The following TRPV2 variants were observed in gnomAD, a reference collection of about 807,000 sequenced individuals.
TRPV2 encodes the protein transient receptor potential cation channel subfamily V member 2.
A neutral mutation model predicts 91.0 loss-of-function variants in TRPV2; 58 were observed. The observed-to-expected ratio is 0.64, with a 90% CI of 0.52 to 0.79. The LOEUF (loss-of-function observed/expected upper bound fraction) is 0.79, where lower values mean the gene tolerates loss of function less well. TRPV2 is among the 30% of genes least tolerant of loss of function. TRPV2 has a pLI of 0.00. For missense variants in TRPV2, 807 were observed against 969.6 expected (o/e 0.83, Z 2.23); for synonymous variants, 417 against 414.8 (o/e 1.01, Z -0.06).
rs940327022 is a variant in TRPV2, at chr17:16,426,488, G to A, written c.1095+219G>A. Among the ~76,000 whole-genome samples the A allele has an allele frequency of 2.0e-5, 3 of 152,172 alleles. No individual in the cohort carries two copies. Among genetic ancestry groups the A allele is most frequent in the Non-Finnish European group, 2.9e-5 (2 of 68,032 alleles). On this transcript the variant is annotated intron_variant, in intron 6 of 14. Coordinates refer to ENST00000338560, the MANE Select transcript of TRPV2 (RefSeq NM_016113.5). The surrounding 1 kb of genome is among the most constrained non-coding windows in gnomAD (Gnocchi z 6.0). ...AGACGGGGATCATGCCAAGGGCCTC[G>A]TGGCAACCATCCGGGTCCTCTCTGT... is the stretch of plus-strand genomic sequence containing the variant.
At chr17:16,420,494 T>C (rs756547891) in intron 3 of TRPV2, among the ~76,000 whole-genome samples, 1 of 152,184 alleles carries the variant, frequency 6.6e-6, no homozygotes, top group Non-Finnish European at 1.5e-5. Flanking sequence ...CCCTAGCCCA[T>C]TGCAGTGGCT....
At chr17:16,421,365 A>T (rs189766122) in intron 3 of TRPV2, among the ~76,000 whole-genome samples, 131 of 148,740 alleles carry the variant, frequency 8.8e-4, no homozygotes, top group East Asian at 7.8e-3. Context: ...TACAGGCACC[A>T]GCCACCACAC....
rs766540731 is a variant in TRPV2 at position 16,431,963 on chromosome 17, T to C, written c.1655-3T>C. On this transcript the variant is annotated splice_region_variant and splice_polypyrimidine_tract_variant and intron_variant, in intron 11 of 14. Transcript: ENST00000338560. ...TAAGGACCCCTCTCCCTTCATCCCATAGCCCTGGTGAGCCTGAGCCAGGAG... is the reference window on the plus strand; with the variant it reads ...TAAGGACCCCTCTCCCTTCATCCCACAGCCCTGGTGAGCCTGAGCCAGGAG... The C allele has an allele frequency of 6.2e-7, 1 of 1,607,354 alleles. No individual in the cohort carries two copies.
chr17:16,436,709 C>T, intron 14 of TRPV2, 80 bp from the exon 15 acceptor site: 3 of 1,000,818 alleles, frequency 3.0e-6, no homozygotes, highest in Non-Finnish European at 4.8e-6. Context: ...GTTTTCATGA[C>T]TGTGGCCCCG....
In TRPV2 at chr17:16,430,611, G is replaced by A. The variant is rs553166628; in HGVS notation, c.1588-1173G>A. Among the ~76,000 whole-genome samples, 5 of 151,246 alleles carry A rather than the reference G, an allele frequency of 3.3e-5. No individual in the cohort carries two copies. In the South Asian group the frequency reaches 6.3e-4, roughly 19 times the overall value. On this transcript the variant is annotated intron_variant, in intron 10 of 14. Transcript: ENST00000338560. ...AGCGATTCTCCTGCCTCAGCCTCCC[G>A]AGTAGCTGGGACTACAGGCATGTGT...
At chr17:16,431,277 A>ATATATATATATATG (rs1555883010) in intron 10 of TRPV2, among the ~76,000 whole-genome samples, 1 of 75,748 alleles carries the variant, frequency 1.3e-5, no homozygotes, top group African/African-American at 5.9e-5. Context: ...ATATATATAT[A>ATATATATATATATG]TATATATATA....
At chr17:16,428,517 GCCAGTC>G in intron 9 of TRPV2, 130 bp downstream of exon 9, 1 of 1,007,294 alleles carries the variant, frequency 9.9e-7, no homozygotes, top group African/African-American at 1.6e-5. Context: ...CTGTGTACAG[GCCAGTC>G]CCAGGAGTCT....
chr17:16,426,190 C>T lies in TRPV2; in HGVS notation c.1016C>T (p.Ser339Leu), dbSNP rs369013768. The T allele has an allele frequency of 1.7e-5, 28 of 1,614,078 alleles. No individual in the cohort carries two copies. Among genetic ancestry groups the T allele is most frequent in the South Asian group, 2.2e-5 (2 of 91,078 alleles). ...TGGTGCTATGGGCCTGTCCGGGTGT[C>T]GCTGTATGACCTGGCTTCTGTGGAC... Reference protein sequence around the residue: ...TEWCYGPVRVSLYDLASVDSC... With the variant: ...TEWCYGPVRVLLYDLASVDSC... Residue 339 changes from serine (S) to leucine (L), a missense_variant, in exon 6 of 15, where the codon TCG becomes TTG. Transcript: ENST00000338560. This position sits in a 1 kb window ranked among gnomAD's most constrained non-coding sequence, Gnocchi z 6.0.
rs755066134 is a variant in TRPV2 at position 16,433,677 on chromosome 17, C to G, written c.2093C>G (p.Pro698Arg). 1 of 1,613,988 alleles carries G rather than the reference C, an allele frequency of 6.2e-7. No individual in the cohort carries two copies. The highest frequency in any genetic ancestry group is 1.3e-5 in the African/African-American group (1 of 75,032). The change falls in exon 13 of 15, where the codon CCC (proline) becomes CGC (arginine). Residue 698 changes from proline to arginine, a missense_variant. Transcript: ENST00000338560. ...LTVGTKPDGS[P>R]DERWCFRVEE... ...GTTGGCACTAAGCCAGATGGCAGCC[C>G]CGATGAGCGCTGGTGCTTCAGGTGA...
At chr17:16,418,647 G>A (rs2093342299) in intron 2 of TRPV2, among the ~76,000 whole-genome samples, 1 of 152,152 alleles carries the variant, frequency 6.6e-6, no homozygotes, top group African/African-American at 2.4e-5. Flanking sequence ...GAGGATGCAT[G>A]AGGAGATTCT....
intron 2 of TRPV2, among the ~76,000 whole-genome samples, chr17:16,418,236 A>C (rs538885938): frequency 1.3e-5 from 2 of 152,346 alleles, no homozygotes; most frequent in Admixed American, 1.3e-4. Flanking sequence ...GTGAGAATCA[A>C]GGACATCTGG....
chr17:16,431,865 C>T lies in TRPV2; in HGVS notation c.1654+15C>T, dbSNP rs145813294. On this transcript the variant is annotated intron_variant, in intron 11 of 14. Transcript: ENST00000338560. ...CTTCGCTGTAGGTAAAGGCTCCCTC[C>T]GGCCCCCTCCCCCTTCCCCACGTTC... 42 of 1,614,036 alleles carry T rather than the reference C, an allele frequency of 2.6e-5. No individual in the cohort carries two copies. Among genetic ancestry groups the T allele is most frequent in the African/African-American group, 8.0e-5 (6 of 75,046 alleles).
intron 2 of TRPV2, among the ~76,000 whole-genome samples, chr17:16,418,481 G>T (rs1476591425): frequency 6.6e-6 from 1 of 152,154 alleles, no homozygotes; most frequent in Non-Finnish European, 1.5e-5. Context: ...GCCCAGTGAG[G>T]CTGGAGAATC....
chr17:16,423,500 C>A lies in TRPV2; in HGVS notation c.657C>A (p.Thr219=), dbSNP rs376958647. The A allele has an allele frequency of 1.9e-6, 3 of 1,613,064 alleles. No individual in the cohort carries two copies. Among genetic ancestry groups the A allele is most frequent in the Non-Finnish European group, 2.5e-6 (3 of 1,179,430 alleles). Reference sequence around the variant, plus strand: ...TACCCCTCTCTTTGGCCGCTTGCACCAAGCAGTGGGATGTGGTAAGCTACC... The same window carrying A: ...TACCCCTCTCTTTGGCCGCTTGCACAAAGCAGTGGGATGTGGTAAGCTACC... ...GELPLSLAAC[T]KQWDVVSYLL... The change falls in exon 5 of 15, where the codon ACC becomes ACA. Residue 219 remains threonine (T), a synonymous_variant. Transcript: ENST00000338560.
At position 16,434,265 on chromosome 17, in the gene TRPV2, G is replaced by A. The variant is rs1002105672; in HGVS notation, c.2114+567G>A. On this transcript the variant is annotated intron_variant, in intron 13 of 14. Transcript: ENST00000338560. ...GGGCAAATCACGAGGTCAGGAGATC[G>A]AGACCATCCTGGCTAACACAGTGAA... Among the ~76,000 whole-genome samples, 36 of 152,042 alleles carry A rather than the reference G, an allele frequency of 2.4e-4. 1 individual carries two copies. Among genetic ancestry groups the A allele is most frequent in the Admixed American group, 2.1e-3 (32 of 15,272 alleles).
intron 3 of TRPV2, 51 bp from the exon 4 acceptor site, chr17:16,422,548 C>T (rs770588367): frequency 6.4e-7 from 1 of 1,573,306 alleles, no homozygotes. Flanking sequence ...GCAGCCCAGC[C>T]ACTCCAGGTC....
intron 10 of TRPV2, among the ~76,000 whole-genome samples, chr17:16,431,280 TATATATACATA>T (rs1290309704): frequency 3.3e-4 from 21 of 63,738 alleles, no homozygotes; most frequent in African/African-American, 1.0e-3. Flanking sequence ...TATATATATA[TATATATACATA>T]TTTTTTTTTT....
At chr17:16,432,792 C>T (rs1384652415) in intron 12 of TRPV2, among the ~76,000 whole-genome samples, 1 of 150,898 alleles carries the variant, frequency 6.6e-6, no homozygotes, top group Admixed American at 6.6e-5. Context: ...ATCATCATTG[C>T]TGTCCAGTGT....
At chr17:16,427,650 C>A in intron 8 of TRPV2, 103 bp downstream of exon 8, 1 of 1,094,944 alleles carries the variant, frequency 9.1e-7, no homozygotes, top group Non-Finnish European at 1.3e-6. Context: ...ATACCCAGTC[C>A]CACCCAGAGC....
Sources: gnomAD v4.1 joint callset for allele counts (sites outside exome capture counted in the v4.1 genomes callset) on GRCh38, gnomAD v4.1.1 for gene constraint, Gnocchi (gnomAD v3.1) non-coding constraint, MANE v1.5 for transcripts, NCBI Gene and HGNC (gene_info 2026-07-23, HGNC 2026-07-21) for gene names.